Variants in PLCB4 observed in about 807,000 individuals in gnomAD.
PLCB4 encodes phospholipase C beta 4.
PLCB4 carries 77 observed loss-of-function variants against 178.8 expected under a neutral mutation model. The observed-to-expected ratio is 0.43, with a 90% CI of 0.36 to 0.52. The LOEUF (loss-of-function observed/expected upper bound fraction) is 0.52. Ranked by LOEUF, PLCB4 falls within the 20% of genes least tolerant of loss-of-function variation. The pLI is 0.00. For synonymous variants in PLCB4, 496 were observed against 490.8 expected, an observed-to-expected ratio of 1.01 and a Z score of -0.14; for missense variants, 1,024 against 1,453.4, an observed-to-expected ratio of 0.70 and a Z score of 4.80.
At chr20:9,334,058 T>C (rs570786263) in intron 4 of PLCB4, among the ~76,000 whole-genome samples, 1 of 151,332 alleles carries the variant, frequency 6.6e-6, no homozygotes, top group South Asian at 2.1e-4. Flanking sequence ...TAGATGATAT[T>C]GTAGACACAA....
At chr20:9,126,890 A>G (rs1018571249) in intron 2 of PLCB4, among the ~76,000 whole-genome samples, 2 of 149,220 alleles carry the variant, frequency 1.3e-5, no homozygotes, top group Non-Finnish European at 3.0e-5. Flanking sequence ...AGATTTTTCT[A>G]TTCCAGCAAA....
At chr20:9,267,533 T>C (rs2208298) in intron 3 of PLCB4, among the ~76,000 whole-genome samples, 1,751 of 152,290 alleles carry the variant, frequency 0.011, 34 homozygotes, top group African/African-American at 0.039. Context: ...GGGCAGTTTT[T>C]ATTTGATTTT....
intron 1 of PLCB4, among the ~76,000 whole-genome samples, chr20:9,075,067 T>G (rs936533073): frequency 1.3e-5 from 2 of 152,148 alleles, no homozygotes; most frequent in Non-Finnish European, 2.9e-5. Context: ...ATTTAATACT[T>G]CTGACAGCCT....
chr20:9,272,241 T>C (rs1268474924), intron 3 of PLCB4, among the ~76,000 whole-genome samples: 2 of 151,870 alleles, frequency 1.3e-5, no homozygotes. Flanking sequence ...TAAGAAGGTA[T>C]AACAATTTCT....
Position 9,209,879 on chromosome 20 carries a change from G to T in PLCB4, c.-78-7511G>T, listed in dbSNP as rs375331746. Among the ~76,000 whole-genome samples the T allele has an allele frequency of 3.4e-3, 517 of 150,746 alleles. 3 individuals carry two copies. Among genetic ancestry groups the T allele is most frequent in the African/African-American group, 0.012 (481 of 40,878 alleles). On this transcript the variant is annotated intron_variant, in intron 2 of 39. Transcript: ENST00000378473. ...CTCGGGAAGCTGAGGCAGGAGAATG[G>T]CGTGAACCCGGGAGGCGAAGCTTGC...
chr20:9,451,287 A>C (rs1173847494), intron 32 of PLCB4, among the ~76,000 whole-genome samples: 1 of 152,190 alleles, frequency 6.6e-6, no homozygotes, highest in African/African-American at 2.4e-5. Flanking sequence ...TTAGGAAAAA[A>C]ATCTGTGTCA....
chr20:9,377,336 A>G (rs146784134), intron 12 of PLCB4, among the ~76,000 whole-genome samples: 594 of 152,256 alleles, frequency 3.9e-3, no homozygotes, highest in Non-Finnish European at 6.8e-3. Context: ...ATGGTTCCTC[A>G]GAGATGTGAA....
intron 4 of PLCB4, among the ~76,000 whole-genome samples, chr20:9,326,006 G>A (rs2030479115): frequency 6.6e-6 from 1 of 152,028 alleles, no homozygotes; most frequent in African/African-American, 2.4e-5. Flanking sequence ...CGTTCTTGCT[G>A]TGTCTTCACA....
In PLCB4 at chr20:9,376,244, C is replaced by T. The variant is rs147624552; in HGVS notation, c.744+3140C>T. Among the ~76,000 whole-genome samples the T allele has an allele frequency of 2.8e-3, 433 of 152,214 alleles. 3 individuals are homozygous for T. The highest frequency in any genetic ancestry group is 9.6e-3 in the African/African-American group (398 of 41,546). Reference sequence around the variant, plus strand: ...TTATTAGAAATGCTCAGTCTTGGGTCCCACCCAGACCTGCTGAGTCAGAGT... The same window carrying T: ...TTATTAGAAATGCTCAGTCTTGGGTTCCACCCAGACCTGCTGAGTCAGAGT... On this transcript the variant is annotated intron_variant, in intron 12 of 39. Coordinates refer to ENST00000378473, the MANE Select transcript of PLCB4 (RefSeq NM_001377142.1).
At chr20:9,361,911 A>G (rs983962505) in intron 7 of PLCB4, among the ~76,000 whole-genome samples, 1 of 152,208 alleles carries the variant, frequency 6.6e-6, no homozygotes, top group African/African-American at 2.4e-5. Context: ...ACTGAACTTT[A>G]TATTTATTAA....
intron 1 of PLCB4, among the ~76,000 whole-genome samples, chr20:9,094,663 T>A (rs2090830063): frequency 6.6e-6 from 1 of 152,210 alleles, no homozygotes; most frequent in South Asian, 2.1e-4. Flanking sequence ...ATCAGTGACC[T>A]CAACTGGATT....
chr20:9,068,825 C>T (rs976844621), upstream of PLCB4: 1 of 151,302 alleles, frequency 6.6e-6, no homozygotes, highest in Non-Finnish European at 1.5e-5. Flanking sequence ...CGCGCAGGGC[C>T]CGGCGGTGGG....
intron 30 of PLCB4, among the ~76,000 whole-genome samples, chr20:9,438,368 A>C (rs989176410): frequency 4.2e-5 from 6 of 143,110 alleles, no homozygotes; most frequent in African/African-American, 1.7e-4. Context: ...TATATCTTAA[A>C]AAAAAAAAAA....
intron 3 of PLCB4, among the ~76,000 whole-genome samples, chr20:9,260,863 C>T (rs1295389070): frequency 1.3e-5 from 2 of 151,954 alleles, no homozygotes; most frequent in Non-Finnish European, 2.9e-5. Context: ...GTTCTAGCCC[C>T]GGAGACTATC....
At chr20:9,168,670 A>C (rs2093013320) in intron 2 of PLCB4, among the ~76,000 whole-genome samples, 1 of 152,164 alleles carries the variant, frequency 6.6e-6, no homozygotes, top group Admixed American at 6.5e-5. Context: ...ATAACTGCTC[A>C]GGTCATTGTT....
At position 9,184,836 on chromosome 20, in the gene PLCB4, G is replaced by GT. The variant is rs897052005; in HGVS notation, c.-78-32547dup. Among the ~76,000 whole-genome samples the GT allele has an allele frequency of 1.3e-3, 198 of 152,268 alleles. 1 individual carries two copies. Among genetic ancestry groups the GT allele is most frequent in the Non-Finnish European group, 2.2e-4 (15 of 68,024 alleles). ...GCTAGCCCTACTGTAAAATACTCTA[G>GT]TTTTTTTGTTGGGACAGAACCACAC... On this transcript the variant is annotated intron_variant, in intron 2 of 39. Coordinates refer to ENST00000378473, the MANE Select transcript of PLCB4 (RefSeq NM_001377142.1).
chr20:9,466,768 G>T (rs1261255890), intron 35 of PLCB4, among the ~76,000 whole-genome samples: 2 of 152,162 alleles, frequency 1.3e-5, no homozygotes, highest in African/African-American at 4.8e-5. Context: ...TCATTAAAAA[G>T]TCAGGAAACA....
At chr20:9,376,923 CTT>C (rs2036725180) in intron 12 of PLCB4, among the ~76,000 whole-genome samples, 1 of 152,078 alleles carries the variant, frequency 6.6e-6, no homozygotes, top group Non-Finnish European at 1.5e-5. Context: ...CTCAACCTGA[CTT>C]TTTTCTTTTT....
At chr20:9,185,305 C>T (rs1373152292) in intron 2 of PLCB4, among the ~76,000 whole-genome samples, 2 of 149,714 alleles carry the variant, frequency 1.3e-5, no homozygotes, top group Non-Finnish European at 2.9e-5. Flanking sequence ...ATAACATTTT[C>T]TATAGTTTTT....
Sources: allele counts gnomAD v4.1 joint callset (sites outside exome capture counted in the v4.1 genomes callset), GRCh38; gene constraint gnomAD v4.1.1; transcripts MANE v1.5; gene names NCBI Gene and HGNC (gene_info 2026-07-23, HGNC 2026-07-21).